The following ELK1 variants were observed in gnomAD, a reference collection of about 807,000 sequenced individuals.
ELK1 encodes ETS transcription factor ELK1.
For missense variants in ELK1, 254 were observed against 381.5 expected, an observed-to-expected ratio of 0.67 and a Z score of 2.78; for synonymous variants, 163 against 176.3, an observed-to-expected ratio of 0.92 and a Z score of 0.60.
chrX:47,646,423 G>C (rs962490617), intron 2 of ELK1, among the ~76,000 whole-genome samples: 2 of 111,168 alleles, frequency 1.8e-5, no homozygotes, highest in Non-Finnish European at 3.8e-5. Flanking sequence ...TCTGTGCCCA[G>C]CTATACACCA....
chrX:47,644,786 G>A (rs1243941157), intron 2 of ELK1, among the ~76,000 whole-genome samples: 2 of 110,672 alleles, frequency 1.8e-5, no homozygotes, highest in East Asian at 2.8e-4. Flanking sequence ...ACAGAGTGAC[G>A]GGGGCCAGAC....
In ELK1 at chrX:47,650,530, A is replaced by T. The variant is rs953442948; in HGVS notation, c.-248T>A. 6.9e-5 allele frequency: 22 copies of T among 320,201 alleles called. No homozygotes were observed. The highest frequency in any genetic ancestry group is 5.0e-4 in the Admixed American group (14 of 27,772). The allele number at this position is 320,201 out of a possible 1,213,427, so 26.4% of individuals were successfully genotyped here. A position where few individuals can be genotyped will look rare whatever the true frequency, so the allele number is the denominator to read the frequency against. ...GGCCTGGGTTCCGAGGCGGCGGTGG[A>T]GGTGGTGGTGGCGGTGGCGGCGGCA... On this transcript the variant is annotated 5_prime_UTR_variant, in exon 1 of 7. Transcript: ENST00000376983.
chrX:47,649,124 G>A, intron 2 of ELK1: 1 of 111,629 alleles, frequency 9.0e-6, no homozygotes, highest in East Asian at 2.8e-4. Context: ...ATGGGGTTGT[G>A]GTGAGGATTA....
rs775821780 is a variant in ELK1, at chrX:47,645,709, C to T, written c.-35+4212G>A. The stretch of plus-strand genomic sequence containing the variant: ...GCCACCCTGAACTATCTACCGTTCC[C>T]GAGACAGTTCCAACCTCTGAGGGTA... On this transcript the variant is annotated intron_variant, in intron 2 of 6. Coordinates refer to ENST00000376983, the MANE Select transcript of ELK1 (RefSeq NM_001114123.3). Among the ~76,000 whole-genome samples, 18 of 112,293 alleles carry T rather than the reference C, an allele frequency of 1.6e-4. No homozygotes were observed. The South Asian group carries it at 5.9e-3, about 37-fold the overall frequency.
intron 4 of ELK1, 109 bp from the exon 5 acceptor site, chrX:47,638,291 G>T: frequency 1.1e-6 from 1 of 949,101 alleles, no homozygotes; most frequent in Non-Finnish European, 1.5e-6. Context: ...TGGTACTCAG[G>T]GCATGACTGC....
chrX:47,641,151 T>C, intron 3 of ELK1, 81 bp downstream of exon 3: 1 of 1,083,101 alleles, frequency 9.2e-7, no homozygotes, highest in Non-Finnish European at 1.3e-6. Flanking sequence ...TTCAAAGTCA[T>C]AGCTATGGCA....
intron 2 of ELK1, among the ~76,000 whole-genome samples, chrX:47,647,968 T>G (rs1263326196): frequency 8.9e-6 from 1 of 112,415 alleles, no homozygotes; most frequent in African/African-American, 3.2e-5. Context: ...AACTTCTTTT[T>G]TATACATGTG....
chrX:47,641,852 C>T (rs1189976941), intron 2 of ELK1, among the ~76,000 whole-genome samples: 3 of 112,471 alleles, frequency 2.7e-5, no homozygotes, highest in Admixed American at 9.4e-5. Flanking sequence ...ATTAAGGTTA[C>T]AAACCCTAAG....
intron 2 of ELK1, among the ~76,000 whole-genome samples, chrX:47,645,078 G>A (rs1421589694): frequency 9.1e-6 from 1 of 110,401 alleles, no homozygotes; most frequent in Non-Finnish European, 1.9e-5. Flanking sequence ...GGTCCAGGGT[G>A]AGTCTAGGTT....
Position 47,649,918 on chromosome X carries a change from CACT to C in ELK1, c.-35_-35+2del, listed in dbSNP as rs2058055335. On this transcript the variant is annotated splice_donor_variant and 5_prime_UTR_variant, in exon 2 of 7. Coordinates refer to ENST00000376983, the MANE Select transcript of ELK1 (RefSeq NM_001114123.3). LOFTEE classifies it low-confidence loss of function (5UTR_SPLICE). ...GCAGGAATACAAACTCAGGTAGACTCACTGTTAAAGAGGGATGCGGAGGAGTGC... is the reference window on the plus strand; with the variant it reads ...GCAGGAATACAAACTCAGGTAGACTCGTTAAAGAGGGATGCGGAGGAGTGC... 1 of 105,125 alleles carries C rather than the reference CACT, an allele frequency of 9.5e-6. No individual in the cohort carries two copies. The highest frequency in any genetic ancestry group is 3.5e-5 in the African/African-American group (1 of 28,322). 8.7% of individuals were successfully genotyped at this position (105,125 alleles called of 1,213,427 possible).
chrX:47,648,322 C>T (rs1195127330), intron 2 of ELK1, among the ~76,000 whole-genome samples: 1 of 112,165 alleles, frequency 8.9e-6, no homozygotes, highest in Admixed American at 9.4e-5. Context: ...AGTCCTTATT[C>T]ACATATACAA....
Position 47,650,508 on chromosome X carries a change from C to G in ELK1, c.-226G>C. ...TACGCGGCCCCACCGCCCCCCAGGC[C>G]TGGGTTCCGAGGCGGCGGTGGAGGT... On this transcript the variant is annotated 5_prime_UTR_variant, in exon 1 of 7. Coordinates refer to ENST00000376983, the MANE Select transcript of ELK1 (RefSeq NM_001114123.3). The G allele has an allele frequency of 3.1e-6, 1 of 324,532 alleles. No individual in the cohort carries two copies. Among genetic ancestry groups the G allele is most frequent in the Non-Finnish European group, 5.8e-6 (1 of 173,362 alleles). The allele number at this position is 324,532 out of a possible 1,213,427, so 26.7% of individuals were successfully genotyped here.
chrX:47,650,021 T>C lies in ELK1; in HGVS notation c.-135A>G, dbSNP rs970369904. 1.9e-5 allele frequency: 2 copies of C among 103,856 alleles called. No homozygotes were observed. Among genetic ancestry groups the C allele is most frequent in the Non-Finnish European group, 3.9e-5 (2 of 50,979 alleles). The allele number at this position is 103,856 out of a possible 1,213,427, so 8.6% of individuals were successfully genotyped here. ...AGGCCACGGACGGGTCTCCTGAAAG[T>C]TGAGGCTAGGAGAAATCCAAACACT... is the stretch of plus-strand genomic sequence containing the variant. On this transcript the variant is annotated 5_prime_UTR_variant, in exon 2 of 7. Transcript: ENST00000376983.
At chrX:47,638,638 C>T in intron 4 of ELK1, among the ~76,000 whole-genome samples, 1 of 112,028 alleles carries the variant, frequency 8.9e-6, no homozygotes, top group Admixed American at 9.4e-5. Flanking sequence ...AGTGCGAGAA[C>T]CAGTGCATTA....
intron 2 of ELK1, 80 bp downstream of exon 2, chrX:47,649,841 G>T (rs1485883732): frequency 1.0e-5 from 1 of 99,395 alleles, no homozygotes; most frequent in South Asian, 5.3e-4. Context: ...GGTGGGGGGG[G>T]GGGGTGGTTT....
intron 3 of ELK1, 81 bp from the exon 4 acceptor site, chrX:47,639,419 T>G: frequency 2.5e-6 from 2 of 792,285 alleles, no homozygotes; most frequent in Non-Finnish European, 3.7e-6. Flanking sequence ...AGGAGGGGGG[T>G]GGAGTGGCAT....
intron 2 of ELK1, chrX:47,649,281 C>A (rs1024910029): frequency 9.0e-6 from 1 of 110,881 alleles, no homozygotes; most frequent in East Asian, 2.8e-4. Context: ...ACGAGTGTGA[C>A]CAGGCTGACC....
chrX:47,637,992 A>C lies in ELK1; in HGVS notation c.845T>G (p.Val282Gly). The change falls in exon 5 of 7, where the codon GTG becomes GGG. Residue 282 changes from valine (V) to glycine (G), a missense_variant. By Grantham distance (109) the Val-to-Gly change is moderately radical (BLOSUM62 -3). Coordinates refer to ENST00000376983, the MANE Select transcript of ELK1 (RefSeq NM_001114123.3). ...AACAACCGCGGGCAGCCGGGCTGGC[A>C]CGCCCTCCTGTGGAGGGACTTCTGG... Reference protein sequence around the residue: ...AEPEVPPQEGVPARLPAVVMD... With the variant: ...AEPEVPPQEGGPARLPAVVMD... 2 of 1,210,501 alleles carry C rather than the reference A, an allele frequency of 1.7e-6. No homozygotes were observed. The highest frequency in any genetic ancestry group is 2.2e-6 in the Non-Finnish European group (2 of 895,099).
chrX:47,647,411 C>G (rs965471945), intron 2 of ELK1, among the ~76,000 whole-genome samples: 13 of 111,736 alleles, frequency 1.2e-4, no homozygotes, highest in Admixed American at 1.9e-4. Flanking sequence ...ATCCACCCAC[C>G]TCAGCCTCCC....
Sources: allele counts gnomAD v4.1 joint callset (sites outside exome capture counted in the v4.1 genomes callset), GRCh38; gene constraint gnomAD v4.1.1; transcripts MANE v1.5; gene names NCBI Gene and HGNC (gene_info 2026-07-23, HGNC 2026-07-21).